ADRB1: variants seen among roughly 807,000 people sequenced by gnomAD.
ADRB1 encodes adrenoceptor beta 1, also known as beta-1 adrenergic receptor.
For synonymous variants in ADRB1, 365 were observed against 347.2 expected (o/e 1.05, Z -0.57); for missense variants, 635 against 709.1 (o/e 0.90, Z 1.19).
At position 114,044,618 on chromosome 10, in the gene ADRB1, G is replaced by T; in HGVS notation, c.486G>T (p.Ser162=). ...TGGACCGCTACCTCGCCATCACCTCGCCCTTCCGCTACCAGAGCCTGCTGA... is the reference window on the plus strand; with the variant it reads ...TGGACCGCTACCTCGCCATCACCTCTCCCTTCCGCTACCAGAGCCTGCTGA... The part of the protein sequence containing the change: ...IALDRYLAIT[S]PFRYQSLLTR... The change falls in exon 1 of 1, where the codon TCG becomes TCT. Residue 162 remains serine (S), a synonymous_variant. Transcript: ENST00000369295. The surrounding 1 kb of genome is among the most constrained non-coding windows in gnomAD (Gnocchi z 7.8). 1 of 1,613,272 alleles carries T rather than the reference G, an allele frequency of 6.2e-7. No homozygotes were observed. The highest frequency in any genetic ancestry group is 1.1e-5 in the South Asian group (1 of 91,086).
Position 114,045,431 on chromosome 10 carries a change from CGAT to C in ADRB1, c.1301_1303del (p.Asp434del), listed in dbSNP as rs1001731719. Reference sequence around the variant, plus strand: ...GGGCCGCCTCGGACGACGACGACGACGATGTCGTCGGGGCCACGCCGCCCGCGC... The same window carrying C: ...GGGCCGCCTCGGACGACGACGACGACGTCGTCGGGGCCACGCCGCCCGCGC... On this transcript the variant is annotated inframe_deletion, in exon 1 of 1. Coordinates refer to ENST00000369295, the MANE Select transcript of ADRB1 (RefSeq NM_000684.3). 5.1e-5 allele frequency: 63 copies of C among 1,243,110 alleles called. No individual in the cohort carries two copies. Among genetic ancestry groups the C allele is most frequent in the Middle Eastern group, 5.5e-4 (2 of 3,614 alleles). The allele number at this position is 1,243,110 out of a possible 1,614,324, so 77.0% of individuals were successfully genotyped here. A position where few individuals can be genotyped will look rare whatever the true frequency, so the allele number is the denominator to read the frequency against.
chr10:114,045,327 C>A lies in ADRB1; in HGVS notation c.1195C>A (p.Arg399Ser), dbSNP rs946089594. 2.0e-6 allele frequency: 3 copies of A among 1,526,290 alleles called. No homozygotes were observed. The highest frequency in any genetic ancestry group is 2.9e-5 in the African/African-American group (2 of 70,024). The allele number at this position is 1,526,290 out of a possible 1,614,324, so 94.5% of individuals were successfully genotyped here. A position where few individuals can be genotyped will look rare whatever the true frequency, so the allele number is the denominator to read the frequency against. ...GLLCCARRAA[R>S]RRHATHGDRP... is the part of the protein sequence containing the mutation. Reference sequence around the variant, plus strand: ...GCTCTGCTGCGCGCGCAGGGCTGCCCGCCGGCGCCACGCGACCCACGGAGA... The same window carrying A: ...GCTCTGCTGCGCGCGCAGGGCTGCCAGCCGGCGCCACGCGACCCACGGAGA... The change falls in exon 1 of 1, where the codon CGC (arginine) becomes AGC (serine). Residue 399 changes from arginine to serine, a missense_variant. Coordinates refer to ENST00000369295, the MANE Select transcript of ADRB1 (RefSeq NM_000684.3).
In ADRB1 at chr10:114,045,368, G is replaced by C. The variant is rs1005175047; in HGVS notation, c.1236G>C (p.Ser412=). Residue 412 remains serine (S), a synonymous_variant, in exon 1 of 1, where the codon TCG becomes TCC. Transcript: ENST00000369295. ...HATHGDRPRA[S]GCLARPGPPP... is the part of the protein sequence containing the mutation. ...CCCACGGAGACCGGCCGCGCGCCTCGGGCTGTCTGGCCCGGCCCGGACCCC... is the reference window on the plus strand; with the variant it reads ...CCCACGGAGACCGGCCGCGCGCCTCCGGCTGTCTGGCCCGGCCCGGACCCC... The C allele has an allele frequency of 6.5e-6, 9 of 1,376,430 alleles. No homozygotes were observed. The Admixed American group carries it at 1.2e-4, about 18-fold the overall frequency. The allele number at this position is 1,376,430 out of a possible 1,614,324, so 85.3% of individuals were successfully genotyped here.
Position 114,045,206 on chromosome 10 carries a change from C to T in ADRB1, c.1074C>T (p.Leu358=). 1 of 1,598,440 alleles carries T rather than the reference C, an allele frequency of 6.3e-7. No homozygotes were observed. The highest frequency in any genetic ancestry group is 8.5e-7 in the Non-Finnish European group (1 of 1,172,074). The change falls in exon 1 of 1, where the codon CTC becomes CTT. Residue 358 remains leucine (L), a synonymous_variant. Transcript: ENST00000369295. ...ACCGCGAGCTGGTGCCCGACCGCCT[C>T]TTCGTCTTCTTCAACTGGCTGGGCT... ...AFHRELVPDR[L]FVFFNWLGYA...
Position 114,044,951 on chromosome 10 carries a change from C to A in ADRB1, c.819C>A (p.Pro273=). Reference sequence around the variant, plus strand: ...TCCTCGGCGGCCCAGCGCGGCCGCCCTCGCCCTCGCCCTCGCCCGTCCCCG... The same window carrying A: ...TCCTCGGCGGCCCAGCGCGGCCGCCATCGCCCTCGCCCTCGCCCGTCCCCG... ...RRFLGGPARP[P]SPSPSPVPAP... Residue 273 remains proline, a synonymous_variant, in exon 1 of 1, where the codon CCC becomes CCA. Transcript: ENST00000369295. The surrounding 1 kb of genome is among the most constrained non-coding windows in gnomAD (Gnocchi z 7.8). The A allele has an allele frequency of 7.9e-7, 1 of 1,269,774 alleles. No individual in the cohort carries two copies. The highest frequency in any genetic ancestry group is 1.0e-6 in the Non-Finnish European group (1 of 1,001,710). The allele number at this position is 1,269,774 out of a possible 1,614,324, so 78.7% of individuals were successfully genotyped here.
Position 114,044,667 on chromosome 10 carries a change from G to A in ADRB1, c.535G>A (p.Val179Met). The A allele has an allele frequency of 6.2e-7, 1 of 1,612,556 alleles. No homozygotes were observed. Among genetic ancestry groups the A allele is most frequent in the African/African-American group, 1.3e-5 (1 of 75,034 alleles). The change falls in exon 1 of 1, where the codon GTG becomes ATG. Residue 179 changes from valine to methionine, a missense_variant. By Grantham distance (21) the Val-to-Met change is conservative. Coordinates refer to ENST00000369295, the MANE Select transcript of ADRB1 (RefSeq NM_000684.3). The surrounding 1 kb of genome is among the most constrained non-coding windows in gnomAD (Gnocchi z 7.8). ...GACGCGCGCGCGGGCGCGGGGCCTC[G>A]TGTGCACCGTGTGGGCCATCTCGGC... Reference protein sequence around the residue: ...LLTRARARGLVCTVWAISALV... With the variant: ...LLTRARARGLMCTVWAISALV...
chr10:114,045,420 G>A lies in ADRB1; in HGVS notation c.1288G>A (p.Asp430Asn), dbSNP rs1847548842. The A allele has an allele frequency of 2.4e-6, 3 of 1,239,028 alleles. No homozygotes were observed. In the South Asian group the frequency reaches 1.1e-4, roughly 47 times the overall value. The allele number at this position is 1,239,028 out of a possible 1,614,324, so 76.8% of individuals were successfully genotyped here. The change falls in exon 1 of 1, where the codon GAC (aspartate) becomes AAC (asparagine). Residue 430 changes from aspartate to asparagine, a missense_variant. Coordinates refer to ENST00000369295, the MANE Select transcript of ADRB1 (RefSeq NM_000684.3). ...GCCATCGCCCGGGGCCGCCTCGGAC[G>A]ACGACGACGACGATGTCGTCGGGGC... Reference protein sequence around the residue: ...PPPSPGAASDDDDDDVVGATP... With the variant: ...PPPSPGAASDNDDDDVVGATP...
rs1017893920 is a variant in ADRB1, at chr10:114,045,703, C to T, written c.*137C>T. The stretch of plus-strand genomic sequence containing the variant: ...TCATCCGAGGCAAAGAGAAAAGCCA[C>T]GGACCGTTGCACAAAAAGGAAAGTT... On this transcript the variant is annotated 3_prime_UTR_variant, in exon 1 of 1. Coordinates refer to ENST00000369295, the MANE Select transcript of ADRB1 (RefSeq NM_000684.3). 12 of 884,514 alleles carry T rather than the reference C, an allele frequency of 1.4e-5. No individual in the cohort carries two copies. In the Admixed American group the frequency reaches 3.1e-4, roughly 23 times the overall value. 54.8% of individuals were successfully genotyped at this position (884,514 alleles called of 1,614,324 possible). A position where few individuals can be genotyped will look rare whatever the true frequency, so the allele number is the denominator to read the frequency against.
rs748944814 is a variant in ADRB1, at chr10:114,045,174, G to T, written c.1042G>T (p.Ala348Ser). 34 of 1,599,046 alleles carry T rather than the reference G, an allele frequency of 2.1e-5. No homozygotes were observed. Among genetic ancestry groups the T allele is most frequent in the Admixed American group, 5.1e-5 (3 of 58,484 alleles). The change falls in exon 1 of 1, where the codon GCC becomes TCC. Residue 348 changes from alanine to serine, a missense_variant. Coordinates refer to ENST00000369295, the MANE Select transcript of ADRB1 (RefSeq NM_000684.3). The stretch of plus-strand genomic sequence containing the variant: ...CTTCTTCCTGGCCAACGTGGTGAAG[G>T]CCTTCCACCGCGAGCTGGTGCCCGA... ...LPFFLANVVK[A>S]FHRELVPDRL...
chr10:114,046,115 G>C lies in ADRB1; in HGVS notation c.*549G>C, dbSNP rs962502770. On this transcript the variant is annotated 3_prime_UTR_variant, in exon 1 of 1. Coordinates refer to ENST00000369295, the MANE Select transcript of ADRB1 (RefSeq NM_000684.3). ...TAATTTCTAAGTAATGATTTCTGCT[G>C]TTATGAAAGCAAAGAGAAAGGATGG... is the stretch of plus-strand genomic sequence containing the variant. 1 of 166,948 alleles carries C rather than the reference G, an allele frequency of 6.0e-6. No homozygotes were observed. The highest frequency in any genetic ancestry group is 1.5e-5 in the Non-Finnish European group (1 of 68,104). The allele number at this position is 166,948 out of a possible 1,614,324, so 10.3% of individuals were successfully genotyped here.
In ADRB1 at chr10:114,045,791, TTTC is replaced by T. The variant is rs1173848100; in HGVS notation, c.*234_*236del. On this transcript the variant is annotated 3_prime_UTR_variant, in exon 1 of 1. Coordinates refer to ENST00000369295, the MANE Select transcript of ADRB1 (RefSeq NM_000684.3). ...GTTGTTTTTTTTTTCTTTTCTTTTCTTTCTTCTTCTTTTTTTTTTTTTTTTTTT... is the reference window on the plus strand; with the variant it reads ...GTTGTTTTTTTTTTCTTTTCTTTTCTTTCTTCTTTTTTTTTTTTTTTTTTT... The T allele has an allele frequency of 3.9e-3, 1,107 of 283,792 alleles. 38 individuals are homozygous for T. Among genetic ancestry groups the T allele is most frequent in the South Asian group, 3.1e-3 (17 of 5,422 alleles). 17.6% of individuals were successfully genotyped at this position (283,792 alleles called of 1,614,324 possible). A position where few individuals can be genotyped will look rare whatever the true frequency, so the allele number is the denominator to read the frequency against.
chr10:114,045,769 G>GTT lies in ADRB1; in HGVS notation c.*212_*213dup, dbSNP rs35435446. On this transcript the variant is annotated 3_prime_UTR_variant, in exon 1 of 1. Transcript: ENST00000369295. ...GAGTGGCTTGCTGATGTTCCTTGTT[G>GTT]TTTTTTTTTTCTTTTCTTTTCTTTC... The GTT allele has an allele frequency of 3.2e-3, 733 of 231,836 alleles. 5 individuals are homozygous for GTT. The highest frequency in any genetic ancestry group is 0.021 in the African/African-American group (649 of 31,346). The allele number at this position is 231,836 out of a possible 1,614,324, so 14.4% of individuals were successfully genotyped here. A position where few individuals can be genotyped will look rare whatever the true frequency, so the allele number is the denominator to read the frequency against.
rs896576569 is a variant in ADRB1, at chr10:114,044,837, G to A, written c.705G>A (p.Val235=). The A allele has an allele frequency of 6.2e-7, 1 of 1,613,790 alleles. No homozygotes were observed. The highest frequency in any genetic ancestry group is 8.5e-7 in the Non-Finnish European group (1 of 1,179,924). Residue 235 remains valine (V), a synonymous_variant, in exon 1 of 1, where the codon GTG becomes GTA. Coordinates refer to ENST00000369295, the MANE Select transcript of ADRB1 (RefSeq NM_000684.3). The surrounding 1 kb of genome is among the most constrained non-coding windows in gnomAD (Gnocchi z 7.8). ...AIASSVVSFY[V]PLCIMAFVYL... The stretch of plus-strand genomic sequence containing the variant: ...CCTCGTCCGTAGTCTCCTTCTACGT[G>A]CCCCTGTGCATCATGGCCTTCGTGT...
At position 114,045,601 on chromosome 10, in the gene ADRB1, T is replaced by C; in HGVS notation, c.*35T>C. On this transcript the variant is annotated 3_prime_UTR_variant, in exon 1 of 1. Coordinates refer to ENST00000369295, the MANE Select transcript of ADRB1 (RefSeq NM_000684.3). ...CGGGGCGCGGACTCCGGGCACGGCT[T>C]CCCAGGGGAACGAGGAGATCTGTGT... 1.6e-6 allele frequency: 2 copies of C among 1,270,018 alleles called. No homozygotes were observed. The highest frequency in any genetic ancestry group is 2.0e-6 in the Non-Finnish European group (2 of 1,000,124). 78.7% of individuals were successfully genotyped at this position (1,270,018 alleles called of 1,614,324 possible).
chr10:114,044,091 C>G lies in ADRB1; in HGVS notation c.-42C>G. The G allele has an allele frequency of 8.1e-7, 1 of 1,239,664 alleles. No individual in the cohort carries two copies. The highest frequency in any genetic ancestry group is 1.0e-6 in the Non-Finnish European group (1 of 995,198). 76.8% of individuals were successfully genotyped at this position (1,239,664 alleles called of 1,614,324 possible). ...TCTGGGGTGTTCCCCAACCACGGCCCAGCCCTGCCACACCCCCCGCCCCCG... is the reference window on the plus strand; with the variant it reads ...TCTGGGGTGTTCCCCAACCACGGCCGAGCCCTGCCACACCCCCCGCCCCCG... On this transcript the variant is annotated 5_prime_UTR_variant, in exon 1 of 1. Transcript: ENST00000369295. The surrounding 1 kb of genome is among the most constrained non-coding windows in gnomAD (Gnocchi z 7.8).
chr10:114,045,638 C>A lies in ADRB1; in HGVS notation c.*72C>A, dbSNP rs367663132. ...GAGGAGATCTGTGTTTACTTAAGAC[C>A]GATAGCAGGTGAACTCGAAGCCCAC... is the stretch of plus-strand genomic sequence containing the variant. On this transcript the variant is annotated 3_prime_UTR_variant, in exon 1 of 1. Transcript: ENST00000369295. The A allele has an allele frequency of 1.7e-6, 2 of 1,210,864 alleles. No homozygotes were observed. Among genetic ancestry groups the A allele is most frequent in the African/African-American group, 1.6e-5 (1 of 63,440 alleles). 75.0% of individuals were successfully genotyped at this position (1,210,864 alleles called of 1,614,324 possible). A position where few individuals can be genotyped will look rare whatever the true frequency, so the allele number is the denominator to read the frequency against.
rs1274019858 is a variant in ADRB1, at chr10:114,045,001, C to G, written c.869C>G (p.Pro290Arg). ...VPAPAPPPGP[P>R]RPAAAAATAP... ...GCGCCCGCGCCGCCGCCCGGACCCCCGCGCCCCGCCGCCGCCGCCGCCACC... is the reference window on the plus strand; with the variant it reads ...GCGCCCGCGCCGCCGCCCGGACCCCGGCGCCCCGCCGCCGCCGCCGCCACC... Residue 290 changes from proline to arginine, a missense_variant, in exon 1 of 1, where the codon CCG becomes CGG. Transcript: ENST00000369295. 1 of 1,076,074 alleles carries G rather than the reference C, an allele frequency of 9.3e-7. No homozygotes were observed. The highest frequency in any genetic ancestry group is 1.1e-6 in the Non-Finnish European group (1 of 888,924). 66.7% of individuals were successfully genotyped at this position (1,076,074 alleles called of 1,614,324 possible).
At position 114,045,369 on chromosome 10, in the gene ADRB1, G is replaced by C. The variant is rs1378729648; in HGVS notation, c.1237G>C (p.Gly413Arg). Residue 413 changes from glycine (G) to arginine (R), a missense_variant, in exon 1 of 1, where the codon GGC (glycine) becomes CGC (arginine). By Grantham distance (125) the Gly-to-Arg change is moderately radical (BLOSUM62 -2). Transcript: ENST00000369295. Reference protein sequence around the residue: ...ATHGDRPRASGCLARPGPPPS... With the variant: ...ATHGDRPRASRCLARPGPPPS... ...CCACGGAGACCGGCCGCGCGCCTCG[G>C]GCTGTCTGGCCCGGCCCGGACCCCC... 8.0e-6 allele frequency: 11 copies of C among 1,374,972 alleles called. No homozygotes were observed. Among genetic ancestry groups the C allele is most frequent in the Admixed American group, 3.0e-5 (1 of 33,060 alleles). The allele number at this position is 1,374,972 out of a possible 1,614,324, so 85.2% of individuals were successfully genotyped here.
At position 114,045,507 on chromosome 10, in the gene ADRB1, A is replaced by G. The variant is rs933820222; in HGVS notation, c.1375A>G (p.Ser459Gly). The G allele has an allele frequency of 1.5e-5, 20 of 1,293,696 alleles. No individual in the cohort carries two copies. Among genetic ancestry groups the G allele is most frequent in the Non-Finnish European group, 1.9e-5 (19 of 1,019,080 alleles). 80.1% of individuals were successfully genotyped at this position (1,293,696 alleles called of 1,614,324 possible). A position where few individuals can be genotyped will look rare whatever the true frequency, so the allele number is the denominator to read the frequency against. ...CTGCAACGGCGGGGCGGCGGCGGACAGCGACTCGAGCCTGGACGAGCCGTG... is the reference window on the plus strand; with the variant it reads ...CTGCAACGGCGGGGCGGCGGCGGACGGCGACTCGAGCCTGGACGAGCCGTG... ...AGCNGGAAAD[S>G]DSSLDEPCRP... Residue 459 changes from serine to glycine, a missense_variant, in exon 1 of 1, where the codon AGC (serine) becomes GGC (glycine). Coordinates refer to ENST00000369295, the MANE Select transcript of ADRB1 (RefSeq NM_000684.3).
Sources: gnomAD v4.1 joint callset for allele counts on GRCh38, gnomAD v4.1.1 for gene constraint, Gnocchi (gnomAD v3.1) non-coding constraint, MANE v1.5 for transcripts, NCBI Gene and HGNC (gene_info 2026-07-23, HGNC 2026-07-21) for gene names.